Variants in UBE2E3 observed in about 807,000 individuals in gnomAD.
UBE2E3 encodes ubiquitin-conjugating enzyme E2 E3.
UBE2E3 carries 5 observed loss-of-function variants against 23.6 expected under a neutral mutation model. The observed-to-expected ratio is 0.21, with a 90% CI of 0.11 to 0.44. UBE2E3 has a LOEUF of 0.44. Ranked by LOEUF, UBE2E3 falls within the 20% of genes least tolerant of loss-of-function variation. The pLI, the probability that UBE2E3 is intolerant of heterozygous loss-of-function variation, is 0.99. For missense variants in UBE2E3, 81 were observed against 249.8 expected (o/e 0.32, Z 4.55); for synonymous variants, 78 against 87.5 (o/e 0.89, Z 0.60).
intron 3 of UBE2E3, among the ~76,000 whole-genome samples, chr2:181,034,553 G>C (rs921871110): frequency 2.6e-5 from 4 of 152,214 alleles, no homozygotes; most frequent in African/African-American, 9.6e-5. Flanking sequence ...GGGAGAGATA[G>C]CATTAGGAGA....
In UBE2E3 at chr2:181,060,594, A is replaced by C. The variant is rs1042817417; in HGVS notation, c.379-71A>C. ...TATCATCTATGATATATTACCCTTCATTTTTTTTTAGTGTTTTAATTGGTA... is the reference window on the plus strand; with the variant it reads ...TATCATCTATGATATATTACCCTTCCTTTTTTTTTAGTGTTTTAATTGGTA... On this transcript the variant is annotated intron_variant, in intron 4 of 5. Coordinates refer to ENST00000410062, the MANE Select transcript of UBE2E3 (RefSeq NM_006357.4). 264 of 1,325,882 alleles carry C rather than the reference A, an allele frequency of 2.0e-4. 1 individual carries two copies. The highest frequency in any genetic ancestry group is 1.6e-4 in the Non-Finnish European group (160 of 986,908). The allele number at this position is 1,325,882 out of a possible 1,614,324, so 82.1% of individuals were successfully genotyped here.
intron 3 of UBE2E3, among the ~76,000 whole-genome samples, chr2:181,046,041 C>A (rs1003438387): frequency 1.3e-5 from 2 of 152,094 alleles, no homozygotes; most frequent in African/African-American, 4.8e-5. Flanking sequence ...GGGCAAGGAC[C>A]TTGTATGTTC....
intron 3 of UBE2E3, among the ~76,000 whole-genome samples, chr2:181,036,655 C>G (rs1253751384): frequency 5.9e-5 from 9 of 152,218 alleles, no homozygotes; most frequent in Admixed American, 5.9e-4. Context: ...GGTTCACACC[C>G]TGTGCCCTGG....
At chr2:181,038,547 A>G (rs1383410649) in intron 3 of UBE2E3, among the ~76,000 whole-genome samples, 2 of 152,246 alleles carry the variant, frequency 1.3e-5, no homozygotes. Flanking sequence ...GCAAAATTTT[A>G]TGCCCTTGGA....
chr2:181,041,522 T>G (rs1686504192), intron 3 of UBE2E3, among the ~76,000 whole-genome samples: 1 of 151,672 alleles, frequency 6.6e-6, no homozygotes, highest in Non-Finnish European at 1.5e-5. Context: ...CACTGCAACC[T>G]CTGCCTCCCA....
chr2:181,041,232 C>CAAAAAAAAAAAAA (rs1686488045), intron 3 of UBE2E3, among the ~76,000 whole-genome samples: 1 of 31,888 alleles, frequency 3.1e-5, no homozygotes. Context: ...AAGACTCCGT[C>CAAAAAAAAAAAAA]TCAAAAAAAA....
chr2:181,019,760 A>G (rs1189911594), intron 3 of UBE2E3, among the ~76,000 whole-genome samples: 3 of 152,328 alleles, frequency 2.0e-5, no homozygotes, highest in Non-Finnish European at 4.4e-5. Context: ...TGATACATGT[A>G]TATTGTGAAA....
intron 4 of UBE2E3, 139 bp downstream of exon 4, chr2:181,057,964 C>A: frequency 2.3e-6 from 2 of 858,988 alleles, no homozygotes; most frequent in Non-Finnish European, 3.4e-6. Flanking sequence ...TTCGCATAAT[C>A]AAGAATTTTA....
intron 3 of UBE2E3, among the ~76,000 whole-genome samples, chr2:181,012,740 A>G (rs1685372580): frequency 1.3e-5 from 2 of 152,168 alleles, no homozygotes; most frequent in African/African-American, 2.4e-5. Flanking sequence ...TGTAATTACA[A>G]TCTAGGTTTT....
At chr2:180,986,694 C>T (rs557212687) in intron 3 of UBE2E3, among the ~76,000 whole-genome samples, 60 of 152,094 alleles carry the variant, frequency 3.9e-4, no homozygotes, top group African/African-American at 1.3e-3. Context: ...ATTTGGCTTT[C>T]GTGTGTAGTT....
intron 3 of UBE2E3, among the ~76,000 whole-genome samples, chr2:181,029,396 T>C (rs1685998684): frequency 6.6e-6 from 1 of 152,124 alleles, no homozygotes; most frequent in African/African-American, 2.4e-5. Flanking sequence ...TTCTTAAAAA[T>C]GTTGAATTTT....
chr2:181,042,944 C>T lies in UBE2E3; in HGVS notation c.246-14749C>T, dbSNP rs527843772. Among the ~76,000 whole-genome samples the T allele has an allele frequency of 7.9e-5, 12 of 152,232 alleles. No individual in the cohort carries two copies. In the South Asian group the frequency reaches 2.5e-3, roughly 32 times the overall value. Reference sequence around the variant, plus strand: ...ATCTTGTGTGATTTCCAAGCCTTTTCAATACAGTTTACTGCTTCCTCTTTT... The same window carrying T: ...ATCTTGTGTGATTTCCAAGCCTTTTTAATACAGTTTACTGCTTCCTCTTTT... On this transcript the variant is annotated intron_variant, in intron 3 of 5. Coordinates refer to ENST00000410062, the MANE Select transcript of UBE2E3 (RefSeq NM_006357.4).
At position 180,994,251 on chromosome 2, in the gene UBE2E3, C is replaced by G. The variant is rs566943413; in HGVS notation, c.245+10158C>G. 2.0e-5 allele frequency among the ~76,000 whole-genome samples: 3 copies of G among 152,142 alleles called. No individual in the cohort carries two copies. In the South Asian group the frequency reaches 6.2e-4, roughly 32 times the overall value. On this transcript the variant is annotated intron_variant, in intron 3 of 5. Transcript: ENST00000410062. ...TGCAATTATCACTTTTCCCTTCTGC[C>G]GAGGTTTCTTAATTTTGGAGAACTT...
intron 3 of UBE2E3, among the ~76,000 whole-genome samples, chr2:181,004,313 C>T (rs1020869576): frequency 6.6e-6 from 1 of 151,976 alleles, no homozygotes; most frequent in Non-Finnish European, 1.5e-5. Flanking sequence ...TATTTGTATG[C>T]AAAAAATTAC....
intron 3 of UBE2E3, among the ~76,000 whole-genome samples, chr2:180,992,456 TCAGTG>T (rs1684689950): frequency 6.6e-6 from 1 of 152,240 alleles, no homozygotes. Flanking sequence ...CCTAGAAGGC[TCAGTG>T]GCTCAATGTA....
intron 3 of UBE2E3, among the ~76,000 whole-genome samples, chr2:181,021,123 A>G (rs565730289): frequency 2.0e-5 from 3 of 152,322 alleles, no homozygotes; most frequent in Non-Finnish European, 2.9e-5. Context: ...AGCTACAGCA[A>G]TATACCAGTC....
At chr2:181,022,802 T>G (rs1346407344) in intron 3 of UBE2E3, among the ~76,000 whole-genome samples, 1 of 152,104 alleles carries the variant, frequency 6.6e-6, no homozygotes, top group Non-Finnish European at 1.5e-5. Context: ...TGCTGCCTTG[T>G]TCAACCTCAG....
At chr2:181,062,567 A>G (rs1477814771) in intron 5 of UBE2E3, among the ~76,000 whole-genome samples, 1 of 127,698 alleles carries the variant, frequency 7.8e-6, no homozygotes, top group Non-Finnish European at 1.6e-5. Context: ...AACTTTTTAT[A>G]TATAGCTCAA....
intron 3 of UBE2E3, among the ~76,000 whole-genome samples, chr2:181,013,936 G>A (rs1401609232): frequency 6.6e-6 from 1 of 152,170 alleles, no homozygotes. Flanking sequence ...AGAAGGGAGA[G>A]CAAGAGCAGA....
Sources: allele counts gnomAD v4.1 joint callset (sites outside exome capture counted in the v4.1 genomes callset), GRCh38; gene constraint gnomAD v4.1.1; transcripts MANE v1.5; gene names NCBI Gene and HGNC (gene_info 2026-07-23, HGNC 2026-07-21).